POTEI: variants seen among roughly 807,000 people sequenced by gnomAD.
The protein encoded by POTEI is POTE ankyrin domain family member I.
Under a neutral mutation model 43.4 loss-of-function variants are expected in POTEI, and 14 were observed. The observed-to-expected ratio is 0.32, with a 90% CI of 0.21 to 0.50. The LOEUF (loss-of-function observed/expected upper bound fraction) is 0.50. Among genes scored for constraint, POTEI ranks in the 20% least tolerant of loss-of-function variants. POTEI has a pLI of 0.98. For missense variants in POTEI, 235 were observed against 795.4 expected, an observed-to-expected ratio of 0.30 and a Z score of 8.47; for synonymous variants, 95 against 297.9, an observed-to-expected ratio of 0.32 and a Z score of 7.01.
Position 130,509,091 on chromosome 2 carries a change from G to T in POTEI, c.145C>A (p.Gln49Lys), listed in dbSNP as rs759596731. ...AGTGTCTTCATAGTGGAGTCGTCCT[G>T]GTCTCCAGAAGTGCCCACGTTGCTC... ...GKSNVGTSGD[Q>K]DDSTMKTLRS... Residue 49 changes from glutamine to lysine, a missense_variant, in exon 1 of 15, where the codon CAG becomes AAG. Transcript: ENST00000451531. The T allele has an allele frequency of 6.5e-7, 1 of 1,533,722 alleles. No individual in the cohort carries two copies.
intron 10 of POTEI, among the ~76,000 whole-genome samples, chr2:130,477,620 C>T (rs1480605829): frequency 1.4e-5 from 2 of 145,202 alleles, no homozygotes; most frequent in Non-Finnish European, 3.0e-5. Flanking sequence ...TGCTCCAAGA[C>T]TGCAGGGGAG....
At chr2:130,464,697 T>G (rs1473875342) in intron 14 of POTEI, among the ~76,000 whole-genome samples, 1 of 150,728 alleles carries the variant, frequency 6.6e-6, no homozygotes, top group African/African-American at 2.4e-5. Flanking sequence ...GTTATAAGAA[T>G]TACATTTATT....
chr2:130,485,410 GC>G (rs1683565466), intron 9 of POTEI, among the ~76,000 whole-genome samples: 1 of 119,316 alleles, frequency 8.4e-6, no homozygotes, highest in African/African-American at 3.3e-5. Flanking sequence ...GGAGGCTGAG[GC>G]AGGAGAATCA....
intron 6 of POTEI, among the ~76,000 whole-genome samples, chr2:130,492,732 TC>T (rs1683787582): frequency 7.6e-6 from 1 of 131,334 alleles, no homozygotes. Flanking sequence ...GAAAGTCAAT[TC>T]TATAAGAAGT....
intron 8 of POTEI, 109 bp from the exon 9 acceptor site, chr2:130,488,307 T>C: frequency 3.1e-5 from 1 of 32,242 alleles, no homozygotes; most frequent in Admixed American, 4.6e-4. Context: ...TTAAAAATAT[T>C]TCACACTTAA....
intron 13 of POTEI, among the ~76,000 whole-genome samples, chr2:130,468,908 T>C (rs1682954320): frequency 6.6e-6 from 1 of 152,118 alleles, no homozygotes; most frequent in African/African-American, 2.4e-5. Context: ...TAAAAATGTA[T>C]AACAATATCA....
chr2:130,508,813 G>T lies in POTEI; in HGVS notation c.423C>A (p.Asp141Glu). 2.0e-6 allele frequency: 3 copies of T among 1,516,012 alleles called. No individual in the cohort carries two copies. The South Asian group carries it at 3.5e-5, about 18-fold the overall frequency. 93.9% of individuals were successfully genotyped at this position (1,516,012 alleles called of 1,614,324 possible). A position where few individuals can be genotyped will look rare whatever the true frequency, so the allele number is the denominator to read the frequency against. The change falls in exon 1 of 15, where the codon GAC (aspartate) becomes GAA (glutamate). Residue 141 changes from aspartate to glutamate, a missense_variant. Transcript: ENST00000451531. ...CCCACCAGGCAGCTCTGTGGAGCTT[G>T]TCCAGATCTTCTCGACGGACGTGGT... ...PRYHVRREDLDKLHRAAWWGK... is the reference protein window; with the variant it reads ...PRYHVRREDLEKLHRAAWWGK...
In POTEI at chr2:130,460,162, C is replaced by G. The variant is rs1404839123; in HGVS notation, c.*2654G>C. On this transcript the variant is annotated 3_prime_UTR_variant, in exon 15 of 15. Coordinates refer to ENST00000451531, the MANE Select transcript of POTEI (RefSeq NM_001277406.2). ...ATGGTGTGGGCATCTAAGAGTGCCC[C>G]GTAAGCAGGTGTGGCCAGGCTGGGG... The G allele has an allele frequency of 1.3e-5, 2 of 150,742 alleles. No homozygotes were observed. Among genetic ancestry groups the G allele is most frequent in the South Asian group, 2.1e-4 (1 of 4,808 alleles). The allele number at this position is 150,742 out of a possible 1,614,324, so 9.3% of individuals were successfully genotyped here.
chr2:130,478,683 TG>T (rs202245476), intron 10 of POTEI, among the ~76,000 whole-genome samples: 13,991 of 119,796 alleles, frequency 0.12, 14 homozygotes, highest in Non-Finnish European at 0.16. Context: ...CTTTCTTTTC[TG>T]GCAGCTGTGA....
At chr2:130,486,890 C>A (rs1342801373) in intron 9 of POTEI, among the ~76,000 whole-genome samples, 1 of 127,120 alleles carries the variant, frequency 7.9e-6, no homozygotes, top group Non-Finnish European at 1.7e-5. Context: ...AAAAGTTTTA[C>A]CCAATATACT....
chr2:130,491,741 C>A (rs1683744348), intron 6 of POTEI, among the ~76,000 whole-genome samples: 1 of 103,144 alleles, frequency 9.7e-6, no homozygotes, highest in South Asian at 4.4e-4. Flanking sequence ...CAACCTCTGA[C>A]ACTCCCTGGT....
At position 130,460,216 on chromosome 2, in the gene POTEI, T is replaced by C. The variant is rs1682581488; in HGVS notation, c.*2600A>G. ...TGGGAGAGGCGAGCAGACTAAGGAG[T>C]GCTGAGATCAGACCAGCCCCATCTC... On this transcript the variant is annotated 3_prime_UTR_variant, in exon 15 of 15. Transcript: ENST00000451531. 1 of 150,538 alleles carries C rather than the reference T, an allele frequency of 6.6e-6. No homozygotes were observed. The highest frequency in any genetic ancestry group is 1.5e-5 in the Non-Finnish European group (1 of 67,836). The allele number at this position is 150,538 out of a possible 1,614,324, so 9.3% of individuals were successfully genotyped here. A position where few individuals can be genotyped will look rare whatever the true frequency, so the allele number is the denominator to read the frequency against.
intron 10 of POTEI, among the ~76,000 whole-genome samples, chr2:130,478,243 T>C (rs1683270636): frequency 7.2e-5 from 1 of 13,796 alleles, no homozygotes; most frequent in Non-Finnish European, 1.5e-4. Context: ...AATAAAGTCA[T>C]ACAAATTATA....
At position 130,462,459 on chromosome 2, in the gene POTEI, C is replaced by A; in HGVS notation, c.*357G>T. On this transcript the variant is annotated 3_prime_UTR_variant, in exon 15 of 15. Transcript: ENST00000451531. ...TGCACAAAAGCAATGCTATCACCTCCCCTGTGTGAACTAGGGAGAGGACTG... is the reference window on the plus strand; with the variant it reads ...TGCACAAAAGCAATGCTATCACCTCACCTGTGTGAACTAGGGAGAGGACTG... 3.5e-6 allele frequency: 1 copy of A among 284,382 alleles called. No homozygotes were observed. Among genetic ancestry groups the A allele is most frequent in the Non-Finnish European group, 6.5e-6 (1 of 152,990 alleles). The allele number at this position is 284,382 out of a possible 1,614,324, so 17.6% of individuals were successfully genotyped here. A position where few individuals can be genotyped will look rare whatever the true frequency, so the allele number is the denominator to read the frequency against.
At chr2:130,486,869 T>C (rs1358675673) in intron 9 of POTEI, among the ~76,000 whole-genome samples, 9 of 127,638 alleles carry the variant, frequency 7.1e-5, no homozygotes, top group African/African-American at 2.4e-4. Flanking sequence ...GATCCTTTGA[T>C]ACATTTTAAT....
rs530322818 is a variant in POTEI at position 130,509,109 on chromosome 2, C to G, written c.127G>C (p.Val43Leu). The change falls in exon 1 of 15, where the codon GTG becomes CTG. Residue 43 changes from valine (V) to leucine (L), a missense_variant. By Grantham distance (32) the Val-to-Leu change is conservative. Transcript: ENST00000451531. ...TCGTCCTGGTCTCCAGAAGTGCCCA[C>G]GTTGCTCTTGCCGCTCCCCCTGCAG... ...PCCRGSGKSN[V>L]GTSGDQDDST... The G allele has an allele frequency of 1.8e-5, 28 of 1,535,048 alleles. No homozygotes were observed. In the African/African-American group the frequency reaches 5.5e-4, roughly 30 times the overall value.
At chr2:130,506,774 T>TG (rs1684160615) in intron 1 of POTEI, among the ~76,000 whole-genome samples, 2 of 111,002 alleles carry the variant, frequency 1.8e-5, no homozygotes, top group South Asian at 8.6e-4. Flanking sequence ...CCTAAAGTGC[T>TG]GGGATAACAG....
chr2:130,480,422 C>T (rs1313195919), intron 10 of POTEI, among the ~76,000 whole-genome samples: 1 of 150,870 alleles, frequency 6.6e-6, no homozygotes, highest in Admixed American at 6.6e-5. Context: ...GCTCAGAAAC[C>T]CTGCCATGTT....
intron 9 of POTEI, among the ~76,000 whole-genome samples, chr2:130,484,191 G>A (rs1028103945): frequency 2.0e-5 from 3 of 150,630 alleles, no homozygotes; most frequent in African/African-American, 7.4e-5. Context: ...AGTCCCTGCT[G>A]AGAAAGGGTT....
Sources: gnomAD v4.1 joint callset for allele counts (sites outside exome capture counted in the v4.1 genomes callset) on GRCh38, gnomAD v4.1.1 for gene constraint, MANE v1.5 for transcripts, NCBI Gene and HGNC (gene_info 2026-07-23, HGNC 2026-07-21) for gene names.